Variants in GRIK3 observed in about 807,000 individuals in gnomAD.
GRIK3 encodes glutamate ionotropic receptor kainate type subunit 3, also known as glutamate receptor ionotropic, kainate 3.
In GRIK3, 29 loss-of-function variants were observed where a neutral mutation model predicts 102.5. That is an observed-to-expected ratio of 0.28 (90% confidence interval 0.21 to 0.39). The LOEUF (loss-of-function observed/expected upper bound fraction) is 0.39. Ranked by LOEUF, GRIK3 falls within the 10% of genes least tolerant of loss-of-function variation. GRIK3 has a pLI of 1.00. For missense variants in GRIK3, 908 were observed against 1,252.4 expected, an observed-to-expected ratio of 0.73 and a Z score of 4.15; for synonymous variants, 511 against 504.9, an observed-to-expected ratio of 1.01 and a Z score of -0.16.
chr1:36,921,929 T>A (rs553704361), intron 1 of GRIK3, among the ~76,000 whole-genome samples: 16 of 152,226 alleles, frequency 1.1e-4, no homozygotes, highest in African/African-American at 3.9e-4. Flanking sequence ...CCTCTCTCCT[T>A]TCCCCAGGAG....
At chr1:36,973,416 C>CTT (rs35394730) in intron 1 of GRIK3, among the ~76,000 whole-genome samples, 102 of 114,944 alleles carry the variant, frequency 8.9e-4, no homozygotes, top group Middle Eastern at 4.5e-3. Context: ...CTTCTTTTTC[C>CTT]TTTTTTTTTT....
chr1:36,999,808 C>A (rs1642456170), intron 1 of GRIK3, among the ~76,000 whole-genome samples: 1 of 152,176 alleles, frequency 6.6e-6, no homozygotes, highest in Non-Finnish European at 1.5e-5. Flanking sequence ...TATTTCTTAT[C>A]CCTGCTTACT....
chr1:36,965,966 C>G (rs1642073463), intron 1 of GRIK3, among the ~76,000 whole-genome samples: 1 of 152,206 alleles, frequency 6.6e-6, no homozygotes, highest in Non-Finnish European at 1.5e-5. Context: ...AATGATTAAT[C>G]TGCCCTTCGA....
chr1:36,989,827 C>T (rs1159149730), intron 1 of GRIK3, among the ~76,000 whole-genome samples: 1 of 152,206 alleles, frequency 6.6e-6, no homozygotes, highest in African/African-American at 2.4e-5. Flanking sequence ...CCATCCTGTA[C>T]CAACAATACA....
chr1:36,893,554 G>A (rs2124275363), intron 1 of GRIK3, among the ~76,000 whole-genome samples: 1 of 152,290 alleles, frequency 6.6e-6, no homozygotes, highest in African/African-American at 2.4e-5. Context: ...TTTGGTGCGG[G>A]AATAGTTGTT....
At chr1:36,911,504 G>A (rs145465663) in intron 1 of GRIK3, among the ~76,000 whole-genome samples, 349 of 152,250 alleles carry the variant, frequency 2.3e-3, no homozygotes, top group Non-Finnish European at 4.0e-3. Context: ...GCCTTCAACG[G>A]AGCTGTAGGC....
chr1:36,942,794 G>T (rs945282493), intron 1 of GRIK3, among the ~76,000 whole-genome samples: 1 of 152,128 alleles, frequency 6.6e-6, no homozygotes, highest in African/African-American at 2.4e-5. Context: ...CCACCTCCCA[G>T]TGGCTCCTGG....
rs150762947 is a variant in GRIK3 at position 36,805,194 on chromosome 1, A to G, written c.2358T>C (p.Leu786=). Residue 786 remains leucine (L), a synonymous_variant, in exon 15 of 16, where the codon CTT becomes CTC. Transcript: ENST00000373091. ...RDKITIAILQ[L]QEEDKLHIMK... is the part of the protein sequence containing the mutation. ...TGATATGCAGCTTGTCCTCCTCCTG[A>G]AGCTGCAGGATGGCGATGGTGATCT... 6.4e-4 allele frequency: 1,038 copies of G among 1,613,852 alleles called. 19 individuals are homozygous for G. The South Asian group carries it at 0.01, about 16-fold the overall frequency.
intron 1 of GRIK3, among the ~76,000 whole-genome samples, chr1:36,976,973 C>T (rs1311983535): frequency 6.6e-6 from 1 of 152,158 alleles, no homozygotes; most frequent in Non-Finnish European, 1.5e-5. Flanking sequence ...CAATCACAAT[C>T]TAAGAGTCCA....
chr1:36,913,377 A>G (rs146055761), intron 1 of GRIK3, among the ~76,000 whole-genome samples: 171 of 150,606 alleles, frequency 1.1e-3, no homozygotes, highest in African/African-American at 3.9e-3. Context: ...GGGGAGCAAG[A>G]CCGGGAAAAT....
chr1:36,895,530 C>T (rs1641163088), intron 1 of GRIK3, among the ~76,000 whole-genome samples: 1 of 152,016 alleles, frequency 6.6e-6, no homozygotes, highest in African/African-American at 2.4e-5. Context: ...GTAGACTGAA[C>T]ACAGCTGAGA....
intron 1 of GRIK3, among the ~76,000 whole-genome samples, chr1:36,997,566 C>A (rs2124021941): frequency 6.6e-6 from 1 of 152,332 alleles, no homozygotes; most frequent in Non-Finnish European, 1.5e-5. Context: ...AGGTTGCAAC[C>A]ACATCTGGAG....
chr1:36,925,380 T>G (rs1226725773), intron 1 of GRIK3, among the ~76,000 whole-genome samples: 1 of 152,218 alleles, frequency 6.6e-6, no homozygotes, highest in African/African-American at 2.4e-5. Context: ...CTAGATACAA[T>G]GCCCCAGTGA....
intron 9 of GRIK3, among the ~76,000 whole-genome samples, chr1:36,845,054 G>A (rs570181364): frequency 2.6e-4 from 40 of 152,250 alleles, no homozygotes; most frequent in African/African-American, 9.1e-4. Flanking sequence ...CATTAATTTC[G>A]GGAAGTGCTT....
chr1:36,877,850 A>G (rs111529334), intron 3 of GRIK3, among the ~76,000 whole-genome samples: 18 of 152,288 alleles, frequency 1.2e-4, no homozygotes, highest in African/African-American at 4.3e-4. Flanking sequence ...CCATTCCCCA[A>G]GTGGTCTGGC....
intron 1 of GRIK3, among the ~76,000 whole-genome samples, chr1:36,980,385 G>A (rs1642237000): frequency 6.6e-6 from 1 of 151,712 alleles, no homozygotes; most frequent in Non-Finnish European, 1.5e-5. Flanking sequence ...CAGCATGAAG[G>A]TGCCATGCTG....
intron 1 of GRIK3, among the ~76,000 whole-genome samples, chr1:36,945,429 G>A (rs1004647051): frequency 2.0e-5 from 3 of 152,140 alleles, no homozygotes; most frequent in Admixed American, 6.5e-5. Context: ...TCTGGGTTTC[G>A]GCCAGGGAAT....
chr1:36,922,885 T>A (rs764601289), intron 1 of GRIK3, among the ~76,000 whole-genome samples: 3 of 151,988 alleles, frequency 2.0e-5, no homozygotes, highest in Non-Finnish European at 4.4e-5. Flanking sequence ...AAAGCAATGA[T>A]CAAAGGCAAA....
chr1:37,008,028 C>T (rs899548748), intron 1 of GRIK3, among the ~76,000 whole-genome samples: 1 of 152,228 alleles, frequency 6.6e-6, no homozygotes, highest in Non-Finnish European at 1.5e-5. Flanking sequence ...ACGTGCCCAG[C>T]ACAAACCTCC....
Sources: allele counts gnomAD v4.1 joint callset (sites outside exome capture counted in the v4.1 genomes callset), GRCh38; gene constraint gnomAD v4.1.1; transcripts MANE v1.5; gene names NCBI Gene and HGNC (gene_info 2026-07-23, HGNC 2026-07-21).